PCDH15: variants seen among roughly 807,000 people sequenced by gnomAD.
PCDH15 encodes protocadherin related 15.
A neutral mutation model predicts 178.5 loss-of-function variants in PCDH15; 129 were observed. The observed-to-expected ratio is 0.72, with a 90% confidence interval of 0.63 to 0.84. The LOEUF (loss-of-function observed/expected upper bound fraction) is 0.84, where lower values mean the gene tolerates loss of function less well. PCDH15 is among the 40% of genes least tolerant of loss of function. The pLI is 0.00. For synonymous variants in PCDH15, 800 were observed against 732.0 expected, an observed-to-expected ratio of 1.09 and a Z score of -1.50; for missense variants, 2,230 against 2,099.9, an observed-to-expected ratio of 1.06 and a Z score of -1.21.
chr10:54,732,079 A>G (rs12776492), intron 1 of PCDH15, among the ~76,000 whole-genome samples: 1 of 149,710 alleles, frequency 6.7e-6, no homozygotes, highest in Non-Finnish European at 1.5e-5. Flanking sequence ...TTATGAATCA[A>G]TGCAAAAATT....
intron 1 of PCDH15, among the ~76,000 whole-genome samples, chr10:55,168,205 C>G (rs1486870437): frequency 5.3e-5 from 8 of 152,066 alleles, no homozygotes; most frequent in Admixed American, 4.6e-4. Context: ...GTGATGGGAT[C>G]TTCTAAATAT....
intron 2 of PCDH15, among the ~76,000 whole-genome samples, chr10:54,979,098 T>C (rs1455729564): frequency 2.0e-5 from 3 of 152,130 alleles, no homozygotes; most frequent in Non-Finnish European, 4.4e-5. Context: ...TTGCCCAAGG[T>C]CACATATGTA....
chr10:54,883,707 T>C (rs1739830743), intron 3 of PCDH15, among the ~76,000 whole-genome samples: 2 of 151,962 alleles, frequency 1.3e-5, no homozygotes, highest in Non-Finnish European at 2.9e-5. Context: ...ATTTACAATC[T>C]GGAAAGGAAA....
intron 2 of PCDH15, among the ~76,000 whole-genome samples, chr10:55,028,867 C>T (rs1840541223): frequency 6.6e-6 from 1 of 152,008 alleles, no homozygotes; most frequent in Non-Finnish European, 1.5e-5. Flanking sequence ...TTTCATATAT[C>T]ATATTTGACA....
intron 2 of PCDH15, among the ~76,000 whole-genome samples, chr10:54,569,487 CA>C (rs1303787540): frequency 6.6e-6 from 1 of 152,078 alleles, no homozygotes; most frequent in East Asian, 1.9e-4. Context: ...CATTAGTACA[CA>C]AAAGTCATTA....
intron 2 of PCDH15, among the ~76,000 whole-genome samples, chr10:55,508,314 G>T (rs538782190): frequency 6.6e-6 from 1 of 151,718 alleles, no homozygotes; most frequent in African/African-American, 2.4e-5. Context: ...TATTCTATTA[G>T]AAATCATTTT....
At chr10:54,275,973 A>G (rs775960269) in intron 8 of PCDH15, among the ~76,000 whole-genome samples, 4 of 151,846 alleles carry the variant, frequency 2.6e-5, no homozygotes, top group Non-Finnish European at 4.4e-5. Flanking sequence ...TTGACTCATT[A>G]TCCTGCCCAG....
At chr10:55,619,287 A>G (rs1843541006) in intron 2 of PCDH15, among the ~76,000 whole-genome samples, 1 of 152,014 alleles carries the variant, frequency 6.6e-6, no homozygotes, top group African/African-American at 2.4e-5. Context: ...AACATAATAC[A>G]TGTAAAAACT....
At chr10:55,273,698 T>C (rs1842509701) in intron 1 of PCDH15, among the ~76,000 whole-genome samples, 1 of 152,074 alleles carries the variant, frequency 6.6e-6, no homozygotes, top group African/African-American at 2.4e-5. Flanking sequence ...ACTTTCCTTA[T>C]ATATCAGTCA....
At chr10:54,627,944 A>T (rs1375692724) in intron 2 of PCDH15, among the ~76,000 whole-genome samples, 1 of 152,190 alleles carries the variant, frequency 6.6e-6, no homozygotes, top group Non-Finnish European at 1.5e-5. Context: ...ACTTAATAAT[A>T]ACTAATATCT....
intron 2 of PCDH15, among the ~76,000 whole-genome samples, chr10:55,590,243 C>T (rs1842816496): frequency 6.9e-6 from 1 of 145,742 alleles, no homozygotes; most frequent in African/African-American, 2.5e-5. Context: ...TGTTCTCACT[C>T]ATAGGTGGGA....
intron 14 of PCDH15, among the ~76,000 whole-genome samples, chr10:54,135,926 C>T (rs2042866117): frequency 1.3e-5 from 2 of 152,042 alleles, no homozygotes; most frequent in African/African-American, 4.8e-5. Flanking sequence ...TATGTAAGTA[C>T]ATGTATACAT....
intron 20 of PCDH15, among the ~76,000 whole-genome samples, chr10:54,011,551 C>T (rs755303683): frequency 4.6e-5 from 7 of 152,088 alleles, no homozygotes; most frequent in East Asian, 1.9e-4. Flanking sequence ...CAAAAGGAGC[C>T]GACACTTTCA....
chr10:53,856,536 A>C (rs958301298), intron 28 of PCDH15, among the ~76,000 whole-genome samples: 6 of 152,090 alleles, frequency 3.9e-5, no homozygotes, highest in South Asian at 2.1e-4. Context: ...TGCTTTGAGA[A>C]ATGACATATT....
chr10:54,747,875 C>A lies in PCDH15; in HGVS notation c.-29+53050G>T, dbSNP rs546156737. Reference sequence around the variant, plus strand: ...AGCTGGAGTGCAGTGGCGTGATCTCCGCTCACTGCAAGCTCCGCCTCCAGG... The same window carrying A: ...AGCTGGAGTGCAGTGGCGTGATCTCAGCTCACTGCAAGCTCCGCCTCCAGG... On this transcript the variant is annotated intron_variant, in intron 1 of 37. Transcript: ENST00000644397. Among the ~76,000 whole-genome samples, 6 of 147,396 alleles carry A rather than the reference C, an allele frequency of 4.1e-5. No individual in the cohort carries two copies. The South Asian group carries it at 6.4e-4, about 16-fold the overall frequency.
At chr10:54,575,655 A>G (rs1015399716) in intron 2 of PCDH15, among the ~76,000 whole-genome samples, 3 of 99,538 alleles carry the variant, frequency 3.0e-5, no homozygotes, top group African/African-American at 1.1e-4. Context: ...GTGCAGGTAG[A>G]TATATTGAAA....
intron 10 of PCDH15, among the ~76,000 whole-genome samples, chr10:54,203,391 T>C (rs1393420320): frequency 6.6e-6 from 1 of 152,160 alleles, no homozygotes. Flanking sequence ...CACGTATGCC[T>C]GTGTATACAC....
chr10:55,372,515 T>G (rs1000820871), intron 2 of PCDH15, among the ~76,000 whole-genome samples: 1 of 152,180 alleles, frequency 6.6e-6, no homozygotes, highest in African/African-American at 2.4e-5. Flanking sequence ...CATAGACATG[T>G]ATGAACAGTG....
intron 16 of PCDH15, among the ~76,000 whole-genome samples, chr10:54,082,764 A>C (rs886083632): frequency 7.7e-4 from 77 of 99,830 alleles, no homozygotes; most frequent in African/African-American, 6.6e-3. Flanking sequence ...TCAAAATAAA[A>C]AAAAAAAAAC....
Sources: gnomAD v4.1 joint callset for allele counts (sites outside exome capture counted in the v4.1 genomes callset) on GRCh38, gnomAD v4.1.1 for gene constraint, MANE v1.5 for transcripts, NCBI Gene and HGNC (gene_info 2026-07-23, HGNC 2026-07-21) for gene names.